Variants in PLCL1 observed in about 807,000 individuals in gnomAD.
PLCL1 encodes the protein inactive phospholipase C-like protein 1.
A neutral mutation model predicts 84.4 loss-of-function variants in PLCL1; 41 were observed. That is an observed-to-expected ratio of 0.49 (90% CI 0.38 to 0.63). The LOEUF (loss-of-function observed/expected upper bound fraction) is 0.63, where lower values mean the gene tolerates loss of function less well. PLCL1 is among the 30% of genes least tolerant of loss of function. PLCL1 has a pLI of 0.00. For missense variants in PLCL1, 1,206 were observed against 1,367.8 expected (o/e 0.88, Z 1.87); for synonymous variants, 490 against 488.3 (o/e 1.00, Z -0.05).
rs2105952056 is a variant in PLCL1 at position 198,147,645 on chromosome 2, G to C, written c.*683G>C. The C allele has an allele frequency of 6.6e-6, 1 of 152,210 alleles. No homozygotes were observed. Among genetic ancestry groups the C allele is most frequent in the Non-Finnish European group, 1.5e-5 (1 of 67,992 alleles). 9.4% of individuals were successfully genotyped at this position (152,210 alleles called of 1,614,324 possible). A position where few individuals can be genotyped will look rare whatever the true frequency, so the allele number is the denominator to read the frequency against. On this transcript the variant is annotated 3_prime_UTR_variant, in exon 6 of 6. Transcript: ENST00000428675. ...ATTAAATAAAATCAATTTTTAGGAA[G>C]TTTTCTGTAGTCATTTACTAAACAT...
At chr2:197,947,128 C>CT (rs761199783) in intron 1 of PLCL1, among the ~76,000 whole-genome samples, 52 of 151,598 alleles carry the variant, frequency 3.4e-4, no homozygotes, top group Non-Finnish European at 7.1e-4. Flanking sequence ...TGGAGCTTAT[C>CT]TTTTAGGGGA....
At chr2:197,853,570 G>A (rs1322858577) in intron 1 of PLCL1, among the ~76,000 whole-genome samples, 2 of 152,166 alleles carry the variant, frequency 1.3e-5, no homozygotes, top group East Asian at 1.9e-4. Context: ...TAAAGTGCCA[G>A]CATTTCTTGC....
intron 5 of PLCL1, among the ~76,000 whole-genome samples, chr2:198,138,016 A>C (rs1694299288): frequency 6.6e-6 from 1 of 152,116 alleles, no homozygotes; most frequent in South Asian, 2.1e-4. Flanking sequence ...ATTTGATGTC[A>C]TGCTCTGGGC....
intron 1 of PLCL1, among the ~76,000 whole-genome samples, chr2:198,002,815 C>A (rs1574238265): frequency 6.6e-6 from 1 of 152,124 alleles, no homozygotes; most frequent in Non-Finnish European, 1.5e-5. Flanking sequence ...CAGGCAGGTA[C>A]CATAAGGTAC....
intron 1 of PLCL1, among the ~76,000 whole-genome samples, chr2:197,976,309 A>G (rs183813525): frequency 6.6e-6 from 1 of 152,202 alleles, no homozygotes; most frequent in Admixed American, 6.5e-5. Context: ...CTCAACCTAG[A>G]AGAGTCCACT....
intron 1 of PLCL1, among the ~76,000 whole-genome samples, chr2:197,843,455 T>C (rs974989132): frequency 2.6e-5 from 4 of 152,214 alleles, no homozygotes; most frequent in Admixed American, 1.3e-4. Flanking sequence ...CAGGTATTAT[T>C]GGGTATGAGT....
At chr2:197,994,656 A>G (rs1344542266) in intron 1 of PLCL1, among the ~76,000 whole-genome samples, 1 of 152,208 alleles carries the variant, frequency 6.6e-6, no homozygotes, top group Non-Finnish European at 1.5e-5. Context: ...ATATTTCAAC[A>G]TTTGGTAAGG....
chr2:197,869,710 G>A lies in PLCL1; in HGVS notation c.240+64371G>A, dbSNP rs1687614251. 3.3e-5 allele frequency among the ~76,000 whole-genome samples: 5 copies of A among 152,288 alleles called. No homozygotes were observed. The South Asian group carries it at 8.3e-4, about 25-fold the overall frequency. ...AGAGAGCAAAACAATGGGGACAGAT[G>A]TGACTGAAAGAAGTTTTGATGTTAT... is the stretch of plus-strand genomic sequence containing the variant. On this transcript the variant is annotated intron_variant, in intron 1 of 5. Coordinates refer to ENST00000428675, the MANE Select transcript of PLCL1 (RefSeq NM_006226.4).
At chr2:197,839,609 C>T (rs944054801) in intron 1 of PLCL1, among the ~76,000 whole-genome samples, 2 of 152,148 alleles carry the variant, frequency 1.3e-5, no homozygotes, top group South Asian at 2.1e-4. Flanking sequence ...GACACCGGTC[C>T]GTAGCCATGG....
chr2:197,865,431 T>C (rs527251638), intron 1 of PLCL1, among the ~76,000 whole-genome samples: 43 of 152,228 alleles, frequency 2.8e-4, no homozygotes, highest in Middle Eastern at 6.8e-3. Flanking sequence ...TTGGAAAATA[T>C]TGAGAAGTTT....
intron 5 of PLCL1, among the ~76,000 whole-genome samples, chr2:198,127,014 G>T (rs201168083): frequency 5.7e-5 from 4 of 70,208 alleles, no homozygotes; most frequent in African/African-American, 8.9e-5. Context: ...GTGTGTGTGG[G>T]GGGTGGTGTA....
chr2:198,040,251 A>G (rs556459521), intron 1 of PLCL1, among the ~76,000 whole-genome samples: 1 of 152,280 alleles, frequency 6.6e-6, no homozygotes, highest in African/African-American at 2.4e-5. Flanking sequence ...TCCCGTGGAC[A>G]TTAGTGCATT....
chr2:197,984,876 CT>C (rs1488932728), intron 1 of PLCL1, among the ~76,000 whole-genome samples: 1 of 151,700 alleles, frequency 6.6e-6, no homozygotes, highest in Non-Finnish European at 1.5e-5. Context: ...CCTATTCATC[CT>C]TTTGGATTTA....
intron 1 of PLCL1, among the ~76,000 whole-genome samples, chr2:198,081,642 G>A (rs1342032432): frequency 6.6e-6 from 1 of 152,184 alleles, no homozygotes; most frequent in Non-Finnish European, 1.5e-5. Context: ...GCAATATTCT[G>A]TAATCTAAAT....
At chr2:197,844,471 T>G (rs1687081244) in intron 1 of PLCL1, among the ~76,000 whole-genome samples, 1 of 152,170 alleles carries the variant, frequency 6.6e-6, no homozygotes, top group South Asian at 2.1e-4. Context: ...GTGTTCAGTA[T>G]TCCATTGAGT....
At chr2:198,007,695 A>G (rs1353600376) in intron 1 of PLCL1, among the ~76,000 whole-genome samples, 2 of 152,148 alleles carry the variant, frequency 1.3e-5, no homozygotes, top group African/African-American at 2.4e-5. Flanking sequence ...AAAAACATGC[A>G]TTTTAGGACT....
intron 1 of PLCL1, among the ~76,000 whole-genome samples, chr2:197,919,885 G>A (rs1688672123): frequency 6.6e-6 from 1 of 152,178 alleles, no homozygotes; most frequent in Non-Finnish European, 1.5e-5. Flanking sequence ...GGAAGAAAAT[G>A]ACAAGTTCTT....
At chr2:197,940,451 C>G (rs1394029083) in intron 1 of PLCL1, among the ~76,000 whole-genome samples, 3 of 152,144 alleles carry the variant, frequency 2.0e-5, no homozygotes, top group African/African-American at 7.2e-5. Context: ...CTTTCCTTTC[C>G]AGATGATATC....
chr2:198,144,246 T>G (rs1401701318), intron 5 of PLCL1, among the ~76,000 whole-genome samples: 1 of 152,214 alleles, frequency 6.6e-6, no homozygotes, highest in Non-Finnish European at 1.5e-5. Flanking sequence ...ACTGCTATGC[T>G]TTTAAAATTC....
Sources: gnomAD v4.1 joint callset for allele counts (sites outside exome capture counted in the v4.1 genomes callset) on GRCh38, gnomAD v4.1.1 for gene constraint, MANE v1.5 for transcripts, NCBI Gene and HGNC (gene_info 2026-07-23, HGNC 2026-07-21) for gene names.